AGBL1: variants seen among roughly 807,000 people sequenced by gnomAD.
The protein encoded by AGBL1 is AGBL carboxypeptidase 1.
In AGBL1, 130 loss-of-function variants were observed where a neutral mutation model predicts 118.9. That is an observed-to-expected ratio of 1.09 (90% CI 0.95 to 1.26). The LOEUF (loss-of-function observed/expected upper bound fraction) is 1.26. Among genes scored for constraint, AGBL1 ranks in the 50% most tolerant of loss-of-function variants. AGBL1 has a pLI of 0.00. For synonymous variants in AGBL1, 555 were observed against 478.9 expected (o/e 1.16, Z -2.08); for missense variants, 1,584 against 1,298.1 (o/e 1.22, Z -3.38).
At chr15:87,030,417 A>T (rs1367644659), downstream of AGBL1, among the ~76,000 whole-genome samples, 2 of 152,016 alleles carry the variant, frequency 1.3e-5, no homozygotes, top group Non-Finnish European at 2.9e-5. Flanking sequence ...AGTATTTCTT[A>T]TTGAACAGTA....
At chr15:86,925,167 G>GGAGGAA (rs1451678472) in intron 23 of AGBL1, among the ~76,000 whole-genome samples, 1 of 122,918 alleles carries the variant, frequency 8.1e-6, no homozygotes, top group East Asian at 2.1e-4. Flanking sequence ...AGGAGGAGGA[G>GGAGGAA]GAAGAGGAAG....
chr15:86,386,704 T>C (rs1278901864), intron 17 of AGBL1, among the ~76,000 whole-genome samples: 2 of 152,114 alleles, frequency 1.3e-5, no homozygotes, highest in African/African-American at 4.8e-5. Flanking sequence ...CTCCCTCTGC[T>C]TTAAGTAAAT....
At chr15:86,833,301 C>T (rs2079131589) in intron 22 of AGBL1, among the ~76,000 whole-genome samples, 1 of 151,936 alleles carries the variant, frequency 6.6e-6, no homozygotes, top group South Asian at 2.1e-4. Context: ...TGGCTGTGTC[C>T]CCACCCAAAT....
chr15:86,573,430 G>C (rs1177722545), intron 21 of AGBL1, among the ~76,000 whole-genome samples: 2 of 152,218 alleles, frequency 1.3e-5, no homozygotes, highest in Admixed American at 6.5e-5. Context: ...AGAAGAAGGA[G>C]ATGATGATTT....
chr15:86,411,968 TTGA>T (rs2081627061), intron 18 of AGBL1, among the ~76,000 whole-genome samples: 1 of 152,168 alleles, frequency 6.6e-6, no homozygotes, highest in Admixed American at 6.6e-5. Context: ...TTATTGGTCT[TTGA>T]AAGCACCCAC....
At chr15:86,885,271 A>G (rs184626241) in intron 22 of AGBL1, among the ~76,000 whole-genome samples, 73 of 152,262 alleles carry the variant, frequency 4.8e-4, no homozygotes, top group African/African-American at 1.8e-3. Context: ...TGTGGCATAT[A>G]GTAATGAAAT....
intron 15 of AGBL1, among the ~76,000 whole-genome samples, chr15:86,277,889 C>A (rs1179444852): frequency 6.6e-6 from 1 of 152,226 alleles, no homozygotes; most frequent in Admixed American, 6.5e-5. Flanking sequence ...AGCACTCTTC[C>A]ACGCTTTGAT....
chr15:86,877,240 G>A (rs958905818), intron 22 of AGBL1, among the ~76,000 whole-genome samples: 7 of 152,058 alleles, frequency 4.6e-5, no homozygotes, highest in African/African-American at 1.7e-4. Flanking sequence ...ACTCAACAAT[G>A]GACTTACTAA....
intron 22 of AGBL1, among the ~76,000 whole-genome samples, chr15:86,719,633 C>G (rs2086687659): frequency 1.3e-5 from 2 of 152,090 alleles, no homozygotes; most frequent in Non-Finnish European, 2.9e-5. Flanking sequence ...CTTGCCTTCC[C>G]CTCCCTCCCT....
chr15:86,839,058 G>A (rs1304686039), intron 22 of AGBL1, among the ~76,000 whole-genome samples: 2 of 150,922 alleles, frequency 1.3e-5, no homozygotes, highest in African/African-American at 4.9e-5. Flanking sequence ...CATATGAGAA[G>A]CCATATTATA....
Position 86,351,051 on chromosome 15 carries a change from G to A in AGBL1, c.2375-46315G>A, listed in dbSNP as rs1043242144. 2.0e-5 allele frequency among the ~76,000 whole-genome samples: 3 copies of A among 152,206 alleles called. No individual in the cohort carries two copies. In the South Asian group the frequency reaches 6.2e-4, roughly 31 times the overall value. On this transcript the variant is annotated intron_variant, in intron 17 of 22. Transcript: ENST00000614907. ...CTCTGGTCTGACCTAAGCACTTTGT[G>A]CATAGTTATGCCAGACCTACTGTCT... is the stretch of plus-strand genomic sequence containing the variant.
chr15:86,783,364 C>A (rs1166562220), intron 22 of AGBL1, among the ~76,000 whole-genome samples: 2 of 152,176 alleles, frequency 1.3e-5, no homozygotes, highest in Non-Finnish European at 2.9e-5. Context: ...CTCTGGGGAT[C>A]TCCAGAAAGT....
chr15:86,991,125 G>A (rs2081332539), intron 24 of AGBL1, among the ~76,000 whole-genome samples: 1 of 152,210 alleles, frequency 6.6e-6, no homozygotes, highest in Non-Finnish European at 1.5e-5. Context: ...AGAGAAAGAA[G>A]TAGAGTGTCT....
chr15:86,173,549 T>C (rs1053291964), intron 5 of AGBL1, among the ~76,000 whole-genome samples: 3 of 152,174 alleles, frequency 2.0e-5, no homozygotes, highest in African/African-American at 7.2e-5. Flanking sequence ...TCTCCAGTGT[T>C]TTCTTCTAGT....
chr15:86,743,818 C>G (rs1240903156), intron 22 of AGBL1, among the ~76,000 whole-genome samples: 2 of 151,986 alleles, frequency 1.3e-5, no homozygotes, highest in South Asian at 4.1e-4. Context: ...CCAGTTCTAG[C>G]TTTAACTACC....
intron 22 of AGBL1, among the ~76,000 whole-genome samples, chr15:86,796,738 C>T (rs752374204): frequency 6.6e-6 from 1 of 152,228 alleles, no homozygotes; most frequent in Non-Finnish European, 1.5e-5. Context: ...TACATATCAT[C>T]TGTAGCTGCT....
At chr15:87,031,124 A>AT (rs1189604391), downstream of AGBL1, among the ~76,000 whole-genome samples, 2 of 152,008 alleles carry the variant, frequency 1.3e-5, no homozygotes, top group Non-Finnish European at 2.9e-5. Flanking sequence ...GCCAGAACAA[A>AT]TTCAACCTTC....
chr15:86,453,451 G>A (rs749793121), intron 18 of AGBL1, among the ~76,000 whole-genome samples: 2 of 152,206 alleles, frequency 1.3e-5, no homozygotes, highest in African/African-American at 2.4e-5. Context: ...ATTGGGAAAA[G>A]AGAGGAGAGA....
At chr15:86,744,765 T>C (rs1460772505) in intron 22 of AGBL1, among the ~76,000 whole-genome samples, 1 of 152,176 alleles carries the variant, frequency 6.6e-6, no homozygotes, top group Non-Finnish European at 1.5e-5. Flanking sequence ...CTCGCTGTTA[T>C]TTTCTATCAG....
Sources: allele counts gnomAD v4.1 joint callset (sites outside exome capture counted in the v4.1 genomes callset), GRCh38; gene constraint gnomAD v4.1.1; transcripts MANE v1.5; gene names NCBI Gene and HGNC (gene_info 2026-07-23, HGNC 2026-07-21).